ANKFN1: variants seen among roughly 807,000 people sequenced by gnomAD.
ANKFN1 encodes the protein ankyrin repeat and fibronectin type III domain containing 1.
In ANKFN1, 74 loss-of-function variants were observed where a neutral mutation model predicts 108.7. That is an observed-to-expected ratio of 0.68 (90% confidence interval 0.56 to 0.83). ANKFN1 has a LOEUF of 0.83. Among genes scored for constraint, ANKFN1 ranks in the 40% least tolerant of loss-of-function variants. The probability of loss-of-function intolerance (pLI) is 0.00; values close to 1 mark genes in which losing one functional copy is unlikely to be tolerated. For synonymous variants in ANKFN1, 547 were observed against 516.2 expected (o/e 1.06, Z -0.81); for missense variants, 1,505 against 1,382.3 (o/e 1.09, Z -1.41).
chr17:56,415,190 C>T (rs2048207152), intron 8 of ANKFN1, among the ~76,000 whole-genome samples: 2 of 152,100 alleles, frequency 1.3e-5, no homozygotes, highest in African/African-American at 4.8e-5. Flanking sequence ...CAGCATAGTA[C>T]TGGAAGTCCT....
intron 20 of ANKFN1, among the ~76,000 whole-genome samples, chr17:56,501,591 G>T (rs1298899548): frequency 6.6e-6 from 1 of 152,202 alleles, no homozygotes; most frequent in Non-Finnish European, 1.5e-5. Flanking sequence ...AAAACAAGCT[G>T]CATGGAGTCT....
chr17:56,332,235 T>C (rs904066856), intron 4 of ANKFN1, among the ~76,000 whole-genome samples: 1 of 152,106 alleles, frequency 6.6e-6, no homozygotes, highest in African/African-American at 2.4e-5. Flanking sequence ...GGAGACAGGA[T>C]GATGGCGGCA....
chr17:56,341,356 T>C (rs1379519577), intron 4 of ANKFN1, among the ~76,000 whole-genome samples: 2 of 152,136 alleles, frequency 1.3e-5, no homozygotes, highest in Non-Finnish European at 2.9e-5. Context: ...ATAGGAGTAG[T>C]GGGAGAGGAC....
At chr17:56,267,670 T>C (rs2043687260) in intron 3 of ANKFN1, among the ~76,000 whole-genome samples, 2 of 152,206 alleles carry the variant, frequency 1.3e-5, no homozygotes, top group Non-Finnish European at 2.9e-5. Context: ...CCATTGCTTG[T>C]TATTGTCAAC....
At chr17:56,209,663 G>A (rs747727318) in intron 1 of ANKFN1, among the ~76,000 whole-genome samples, 45 of 152,010 alleles carry the variant, frequency 3.0e-4, no homozygotes, top group Non-Finnish European at 5.0e-4. Context: ...GTTTTTAGGA[G>A]AGTGACTTTT....
Position 56,516,795 on chromosome 17 carries a change from G to T in ANKFN1, c.*5526G>T, listed in dbSNP as rs569372139. Among the ~76,000 whole-genome samples, 2 of 152,060 alleles carry T rather than the reference G, an allele frequency of 1.3e-5. No individual in the cohort carries two copies. Among genetic ancestry groups the T allele is most frequent in the Non-Finnish European group, 2.9e-5 (2 of 67,998 alleles). Reference sequence around the variant, plus strand: ...AAGTGTATTTTCAAGAAAAATTGTCGACAGAAGAAATCTAAGCTATCAGAG... The same window carrying T: ...AAGTGTATTTTCAAGAAAAATTGTCTACAGAAGAAATCTAAGCTATCAGAG... On this transcript the variant is annotated 3_prime_UTR_variant, in exon 21 of 21. Transcript: ENST00000682825.
chr17:56,326,677 A>G (rs2045525901), intron 4 of ANKFN1, among the ~76,000 whole-genome samples: 1 of 152,210 alleles, frequency 6.6e-6, no homozygotes, highest in African/African-American at 2.4e-5. Context: ...TGAAAAATAA[A>G]TTACTGTTTT....
intron 4 of ANKFN1, among the ~76,000 whole-genome samples, chr17:56,333,831 A>G (rs2045731111): frequency 6.6e-6 from 1 of 152,120 alleles, no homozygotes; most frequent in South Asian, 2.1e-4. Flanking sequence ...GAAAATGTAA[A>G]ACTAGAAATT....
intron 4 of ANKFN1, among the ~76,000 whole-genome samples, chr17:56,118,490 A>T (rs984343390): frequency 3.3e-5 from 5 of 152,152 alleles, no homozygotes; most frequent in African/African-American, 1.2e-4. Context: ...ATATTTACTT[A>T]TGTCCCTTAT....
chr17:56,376,925 C>G (rs1306818251), intron 8 of ANKFN1, among the ~76,000 whole-genome samples: 1 of 152,038 alleles, frequency 6.6e-6, no homozygotes, highest in Non-Finnish European at 1.5e-5. Flanking sequence ...GCAGGAACAG[C>G]AGTGCAGTTT....
intron 20 of ANKFN1, among the ~76,000 whole-genome samples, chr17:56,503,606 A>G (rs753541829): frequency 3.6e-4 from 53 of 149,184 alleles, no homozygotes; most frequent in Admixed American, 2.0e-3. Context: ...CTGTTCTGCC[A>G]TGCCCCCTGC....
intron 4 of ANKFN1, among the ~76,000 whole-genome samples, chr17:56,058,902 C>T (rs1314574446): frequency 1.3e-5 from 2 of 152,144 alleles, no homozygotes; most frequent in Admixed American, 6.5e-5. Context: ...CATATGTGTG[C>T]ATGTGTCTTT....
intron 2 of ANKFN1, among the ~76,000 whole-genome samples, chr17:56,226,021 T>G (rs1417851145): frequency 6.6e-6 from 1 of 152,184 alleles, no homozygotes; most frequent in African/African-American, 2.4e-5. Flanking sequence ...TAGGTGAGAA[T>G]GTTCCAAATT....
intron 3 of ANKFN1, among the ~76,000 whole-genome samples, chr17:56,232,921 G>A (rs1042681907): frequency 2.0e-5 from 3 of 152,052 alleles, no homozygotes; most frequent in African/African-American, 7.2e-5. Flanking sequence ...AATTAATAAT[G>A]CCACCTCAAG....
At chr17:56,187,825 C>T (rs533627371) in intron 1 of ANKFN1, among the ~76,000 whole-genome samples, 1 of 151,942 alleles carries the variant, frequency 6.6e-6, no homozygotes, top group Non-Finnish European at 1.5e-5. Context: ...AGCAAACTAT[C>T]GCAAGGACAG....
chr17:56,425,891 G>T (rs1286727505), intron 8 of ANKFN1, among the ~76,000 whole-genome samples: 1 of 152,138 alleles, frequency 6.6e-6, no homozygotes, highest in Non-Finnish European at 1.5e-5. Flanking sequence ...GATAAGATTT[G>T]AGCTTTGTTC....
chr17:56,492,038 G>A lies in ANKFN1; in HGVS notation c.2261-149G>A. Reference sequence around the variant, plus strand: ...AAGCCAGACAACTGGCCCCTTAAGAGCACATTTATAATTTATTTATGGCTT... The same window carrying A: ...AAGCCAGACAACTGGCCCCTTAAGAACACATTTATAATTTATTTATGGCTT... On this transcript the variant is annotated intron_variant, in intron 18 of 20. Coordinates refer to ENST00000682825, the MANE Select transcript of ANKFN1 (RefSeq NM_001370326.1). 5 of 580,528 alleles carry A rather than the reference G, an allele frequency of 8.6e-6. 1 individual carries two copies. The highest frequency in any genetic ancestry group is 2.8e-5 in the East Asian group (1 of 35,526). 36.0% of individuals were successfully genotyped at this position (580,528 alleles called of 1,614,324 possible).
intron 3 of ANKFN1, among the ~76,000 whole-genome samples, chr17:56,298,659 T>C (rs950125837): frequency 6.6e-6 from 1 of 151,744 alleles, no homozygotes; most frequent in East Asian, 1.9e-4. Context: ...AGTTGTTTTT[T>C]CCTTAAGCAC....
At chr17:56,401,398 G>A (rs1403998768) in intron 8 of ANKFN1, among the ~76,000 whole-genome samples, 163 of 94,728 alleles carry the variant, frequency 1.7e-3, no homozygotes, top group Middle Eastern at 0.016. Flanking sequence ...GTTGTGTTGT[G>A]TTGTGTTGTG....
Sources: gnomAD v4.1 joint callset for allele counts (sites outside exome capture counted in the v4.1 genomes callset) on GRCh38, gnomAD v4.1.1 for gene constraint, MANE v1.5 for transcripts, NCBI Gene and HGNC (gene_info 2026-07-23, HGNC 2026-07-21) for gene names.